Variants in NR6A1 observed in about 807,000 individuals in gnomAD.
NR6A1 encodes retinoic acid receptor-related testis-associated receptor.
A neutral mutation model predicts 59.1 loss-of-function variants in NR6A1; 7 were observed. The observed-to-expected ratio is 0.12, with a 90% CI of 0.07 to 0.22. NR6A1 has a LOEUF of 0.22. NR6A1 is among the 10% of genes least tolerant of loss of function. The pLI is 1.00. For synonymous variants in NR6A1, 243 were observed against 236.1 expected (o/e 1.03, Z -0.27); for missense variants, 468 against 611.6 (o/e 0.77, Z 2.48).
intron 2 of NR6A1, among the ~76,000 whole-genome samples, chr9:124,699,242 T>C (rs1229613942): frequency 6.6e-6 from 1 of 152,180 alleles, no homozygotes; most frequent in Admixed American, 6.5e-5. Flanking sequence ...CAAGATCCTC[T>C]CACTACCCAA....
At chr9:124,745,586 G>A (rs62581856) in intron 1 of NR6A1, among the ~76,000 whole-genome samples, 3,724 of 151,514 alleles carry the variant, frequency 0.025, 59 homozygotes, top group Admixed American at 0.038. Context: ...CAGGAGAATC[G>A]CTTGAACCCG....
chr9:124,766,520 CAT>C (rs765997917), intron 1 of NR6A1, among the ~76,000 whole-genome samples: 1 of 152,310 alleles, frequency 6.6e-6, no homozygotes, highest in East Asian at 1.9e-4. Context: ...CTTTTTCCCA[CAT>C]GACTAGAATC....
intron 2 of NR6A1, among the ~76,000 whole-genome samples, chr9:124,668,961 T>C (rs1837707296): frequency 6.6e-6 from 1 of 152,110 alleles, no homozygotes; most frequent in South Asian, 2.1e-4. Context: ...AAACTCAAAA[T>C]GAAATAAACA....
At chr9:124,724,617 G>A (rs10986410) in intron 2 of NR6A1, among the ~76,000 whole-genome samples, 17,557 of 152,030 alleles carry the variant, frequency 0.12, 2,702 homozygotes, top group African/African-American at 0.34. Flanking sequence ...TTTACTCTCA[G>A]TGTAATTACT....
At chr9:124,525,813 A>C (rs998370690) in intron 8 of NR6A1, among the ~76,000 whole-genome samples, 1 of 152,150 alleles carries the variant, frequency 6.6e-6, no homozygotes, top group Non-Finnish European at 1.5e-5. Flanking sequence ...TCCTTCTTCA[A>C]GAAGTTGCTA....
intron 2 of NR6A1, chr9:124,599,031 G>T: frequency 1.4e-6 from 1 of 739,574 alleles, no homozygotes. Flanking sequence ...CTCCTCATGA[G>T]GAGGCGGGTG....
chr9:124,548,853 C>T (rs539544936), intron 3 of NR6A1, among the ~76,000 whole-genome samples: 1 of 152,264 alleles, frequency 6.6e-6, no homozygotes, highest in African/African-American at 2.4e-5. Flanking sequence ...CCACCCCCAC[C>T]ACCCGCCACG....
chr9:124,642,515 A>C (rs1836794604), intron 2 of NR6A1, among the ~76,000 whole-genome samples: 1 of 152,172 alleles, frequency 6.6e-6, no homozygotes, highest in Non-Finnish European at 1.5e-5. Flanking sequence ...TGTTTTATGC[A>C]TTATAAAATA....
At chr9:124,627,945 G>A (rs1208938230) in intron 2 of NR6A1, among the ~76,000 whole-genome samples, 1 of 129,126 alleles carries the variant, frequency 7.7e-6, no homozygotes, top group Non-Finnish European at 1.6e-5. Context: ...GTGGTCCCAA[G>A]GAACTATAAA....
chr9:124,637,907 A>AG (rs936294837), intron 2 of NR6A1, among the ~76,000 whole-genome samples: 70 of 150,790 alleles, frequency 4.6e-4, no homozygotes, highest in Non-Finnish European at 7.5e-4. Flanking sequence ...AAAAAAAAAA[A>AG]AAAAAGAAAA....
chr9:124,736,582 G>C (rs1210548250), intron 1 of NR6A1, among the ~76,000 whole-genome samples: 11 of 152,160 alleles, frequency 7.2e-5, no homozygotes, highest in Non-Finnish European at 1.5e-5. Flanking sequence ...AGTGGTGCAT[G>C]CCTGTAATCC....
At chr9:124,767,042 A>G (rs889952332) in intron 1 of NR6A1, among the ~76,000 whole-genome samples, 3 of 152,216 alleles carry the variant, frequency 2.0e-5, no homozygotes, top group Admixed American at 2.0e-4. Context: ...CCAATGTTAC[A>G]GCAACAGTTG....
chr9:124,553,846 A>C (rs1052542045), intron 3 of NR6A1, among the ~76,000 whole-genome samples: 1 of 152,048 alleles, frequency 6.6e-6, no homozygotes, highest in East Asian at 1.9e-4. Context: ...CAGTTTGTTC[A>C]TATTATCTCA....
chr9:124,522,839 T>G (rs376413135), intron 9 of NR6A1, 46 bp from the exon 10 acceptor site: 31 of 1,492,462 alleles, frequency 2.1e-5, no homozygotes, highest in Non-Finnish European at 2.6e-5. Flanking sequence ...GTCACTCTAG[T>G]GGACAGGCAA....
At chr9:124,599,726 T>C (rs773822760) in intron 2 of NR6A1, 5 of 464,768 alleles carry the variant, frequency 1.1e-5, no homozygotes, top group Middle Eastern at 8.9e-4. Flanking sequence ...CACCAAGAGA[T>C]TGTTTCCACT....
chr9:124,749,033 C>T (rs1011888567), intron 1 of NR6A1, among the ~76,000 whole-genome samples: 5 of 152,116 alleles, frequency 3.3e-5, no homozygotes, highest in Non-Finnish European at 7.4e-5. Context: ...GAGGCCAAGG[C>T]GGGCGGATCA....
rs1432927846 is a variant in NR6A1, at chr9:124,710,179, CAA to C, written c.142+23127_142+23128del. ...AATGATCAGACACGAGACAAGTCAA[CAA>C]AAGTCTCCGCACAAAATCATTACAT... On this transcript the variant is annotated intron_variant, in intron 2 of 9. Coordinates refer to ENST00000487099, the MANE Select transcript of NR6A1 (RefSeq NM_033334.4). Among the ~76,000 whole-genome samples the C allele has an allele frequency of 4.6e-5, 7 of 152,254 alleles. No homozygotes were observed. The South Asian group carries it at 1.2e-3, about 27-fold the overall frequency.
At chr9:124,542,813 C>T (rs188943014) in intron 4 of NR6A1, among the ~76,000 whole-genome samples, 1 of 152,290 alleles carries the variant, frequency 6.6e-6, no homozygotes, top group Admixed American at 6.5e-5. Flanking sequence ...CTGCCTCAGC[C>T]ACCCAAAGTG....
chr9:124,603,284 C>G (rs1297717179), intron 2 of NR6A1, among the ~76,000 whole-genome samples: 1 of 152,136 alleles, frequency 6.6e-6, no homozygotes, highest in Non-Finnish European at 1.5e-5. Context: ...GATGGCTCCT[C>G]GAGAGGTGTG....
Sources: allele counts gnomAD v4.1 joint callset (sites outside exome capture counted in the v4.1 genomes callset), GRCh38; gene constraint gnomAD v4.1.1; transcripts MANE v1.5; gene names NCBI Gene and HGNC (gene_info 2026-07-23, HGNC 2026-07-21).